Variants in DTNB observed in about 807,000 individuals in gnomAD.
DTNB encodes DTN-B.
In DTNB, 63 loss-of-function variants were observed where a neutral mutation model predicts 90.7. The observed-to-expected ratio is 0.69, with a 90% CI of 0.57 to 0.86. The LOEUF (loss-of-function observed/expected upper bound fraction) is 0.86, where lower values mean the gene tolerates loss of function less well. DTNB is among the 40% of genes least tolerant of loss of function. The pLI is 0.00. For missense variants in DTNB, 744 were observed against 807.1 expected (o/e 0.92, Z 0.95); for synonymous variants, 277 against 286.7 (o/e 0.97, Z 0.34).
chr2:25,426,112 T>C (rs779784069), intron 15 of DTNB, among the ~76,000 whole-genome samples: 1 of 152,222 alleles, frequency 6.6e-6, no homozygotes, highest in Admixed American at 6.5e-5. Context: ...ACTCTTAATA[T>C]AGTGAAGTTA....
intron 4 of DTNB, among the ~76,000 whole-genome samples, chr2:25,607,918 TA>T (rs2067493916): frequency 6.6e-6 from 1 of 152,204 alleles, no homozygotes; most frequent in South Asian, 2.1e-4. Context: ...ATAGTAACAT[TA>T]ATTCTTCTTT....
At chr2:25,409,744 C>T (rs756406238) in intron 16 of DTNB, among the ~76,000 whole-genome samples, 9 of 152,216 alleles carry the variant, frequency 5.9e-5, no homozygotes, top group Non-Finnish European at 1.2e-4. Context: ...AACCGACGGT[C>T]CTTCTCCTGC....
chr2:25,600,701 T>C (rs911129989), intron 5 of DTNB, among the ~76,000 whole-genome samples: 4 of 152,196 alleles, frequency 2.6e-5, no homozygotes, highest in Non-Finnish European at 5.9e-5. Context: ...TATATATATG[T>C]ATAGCTTCAC....
chr2:25,487,221 G>A (rs2055718), intron 9 of DTNB, among the ~76,000 whole-genome samples: 110,226 of 152,064 alleles, frequency 0.72, 40,073 homozygotes, highest in East Asian at 0.81. Context: ...TGTAATGAGT[G>A]CAGCAATGAA....
chr2:25,521,831 G>C (rs994705980), intron 9 of DTNB, among the ~76,000 whole-genome samples: 2 of 152,244 alleles, frequency 1.3e-5, no homozygotes. Flanking sequence ...GCAGGCTATA[G>C]TTTGCCCACC....
chr2:25,434,233 G>C (rs1420868840), intron 12 of DTNB, among the ~76,000 whole-genome samples: 1 of 152,004 alleles, frequency 6.6e-6, no homozygotes, highest in African/African-American at 2.4e-5. Flanking sequence ...ATGCCAGTTT[G>C]TCACCAGTCG....
chr2:25,556,154 TGTTTTGGC>T lies in DTNB; in HGVS notation c.876+20676_876+20683del, dbSNP rs1001575984. On this transcript the variant is annotated intron_variant, in intron 8 of 20. Coordinates refer to ENST00000406818, the MANE Select transcript of DTNB (RefSeq NM_021907.5). ...ATTTCACTACTAATGGATGTTTTGG[TGTTTTGGC>T]CATCTCTCTTTTTTTTTTTTTTTTT... Among the ~76,000 whole-genome samples, 4 of 150,986 alleles carry T rather than the reference TGTTTTGGC, an allele frequency of 2.6e-5. No homozygotes were observed. The East Asian group carries it at 5.8e-4, about 22-fold the overall frequency.
intron 10 of DTNB, among the ~76,000 whole-genome samples, chr2:25,466,286 G>C (rs1456542558): frequency 6.6e-6 from 1 of 152,248 alleles, no homozygotes; most frequent in African/African-American, 2.4e-5. Flanking sequence ...AGTGAGGCGA[G>C]ATTGTGCCAC....
At chr2:25,457,119 C>G (rs1305036964) in intron 10 of DTNB, among the ~76,000 whole-genome samples, 1 of 152,142 alleles carries the variant, frequency 6.6e-6, no homozygotes, top group African/African-American at 2.4e-5. Flanking sequence ...AAGTGATTCT[C>G]CTGCCTCAGT....
At chr2:25,617,736 G>A (rs544992691) in intron 4 of DTNB, among the ~76,000 whole-genome samples, 2 of 152,146 alleles carry the variant, frequency 1.3e-5, no homozygotes, top group Non-Finnish European at 2.9e-5. Context: ...AAATTAGCCA[G>A]GTGTGGTGAT....
At chr2:25,572,985 G>A (rs1185698684) in intron 8 of DTNB, among the ~76,000 whole-genome samples, 3 of 151,666 alleles carry the variant, frequency 2.0e-5, no homozygotes, top group East Asian at 1.9e-4. Flanking sequence ...TTTTTGCCCA[G>A]GCTGGAGTGC....
chr2:25,659,083 A>C (rs1213216680), intron 1 of DTNB, among the ~76,000 whole-genome samples: 1 of 152,024 alleles, frequency 6.6e-6, no homozygotes, highest in Non-Finnish European at 1.5e-5. Flanking sequence ...ACCTTAATGC[A>C]TGCAATTAAA....
chr2:25,430,802 G>C (rs2053618017), intron 14 of DTNB, among the ~76,000 whole-genome samples: 1 of 152,134 alleles, frequency 6.6e-6, no homozygotes, highest in South Asian at 2.1e-4. Context: ...AATAGGATGT[G>C]GGTTTATAAG....
intron 1 of DTNB, among the ~76,000 whole-genome samples, chr2:25,664,431 A>AC (rs1444674769): frequency 1.3e-5 from 2 of 152,220 alleles, no homozygotes; most frequent in Admixed American, 6.5e-5. Flanking sequence ...AGACCACTAA[A>AC]CCCAGCAGAG....
At chr2:25,516,724 T>C (rs1360502049) in intron 9 of DTNB, among the ~76,000 whole-genome samples, 1 of 151,688 alleles carries the variant, frequency 6.6e-6, no homozygotes, top group Non-Finnish European at 1.5e-5. Context: ...ACCCCGTCTC[T>C]ACTAAAAATA....
intron 2 of DTNB, among the ~76,000 whole-genome samples, chr2:25,643,158 A>T (rs902812030): frequency 3.9e-5 from 6 of 151,954 alleles, no homozygotes; most frequent in Non-Finnish European, 2.9e-5. Flanking sequence ...TTCACCTCAC[A>T]CCCAACTCCA....
chr2:25,527,924 T>C (rs767166806), intron 9 of DTNB, among the ~76,000 whole-genome samples: 1 of 151,894 alleles, frequency 6.6e-6, no homozygotes, highest in Non-Finnish European at 1.5e-5. Context: ...CACTGGGTGA[T>C]AAAAACAACA....
chr2:25,521,284 A>C (rs964262059), intron 9 of DTNB, among the ~76,000 whole-genome samples: 1 of 152,156 alleles, frequency 6.6e-6, no homozygotes, highest in Non-Finnish European at 1.5e-5. Flanking sequence ...ATAAGCTCTA[A>C]GGGCCATTTG....
chr2:25,408,866 G>A (rs2045930073), intron 16 of DTNB, among the ~76,000 whole-genome samples: 1 of 152,174 alleles, frequency 6.6e-6, no homozygotes, highest in Admixed American at 6.5e-5. Context: ...CCTAGAGACT[G>A]GTACAGCTTC....
Sources: gnomAD v4.1 joint callset for allele counts (sites outside exome capture counted in the v4.1 genomes callset) on GRCh38, gnomAD v4.1.1 for gene constraint, MANE v1.5 for transcripts, NCBI Gene and HGNC (gene_info 2026-07-23, HGNC 2026-07-21) for gene names.